CDH13: variants seen among roughly 807,000 people sequenced by gnomAD.
CDH13 encodes the protein cadherin 13.
CDH13 carries 24 observed loss-of-function variants against 63.8 expected under a neutral mutation model. That is an observed-to-expected ratio of 0.38 (90% CI 0.27 to 0.53). The LOEUF is 0.53. Ranked by LOEUF, CDH13 falls within the 20% of genes least tolerant of loss-of-function variation. The pLI is 0.85. For missense variants in CDH13, 1,049 were observed against 903.1 expected, an observed-to-expected ratio of 1.16 and a Z score of -2.07; for synonymous variants, 503 against 355.3, an observed-to-expected ratio of 1.42 and a Z score of -4.67.
chr16:82,632,953 G>T (rs535673680), intron 1 of CDH13, among the ~76,000 whole-genome samples: 2 of 152,248 alleles, frequency 1.3e-5, no homozygotes, highest in African/African-American at 4.8e-5. Context: ...CACGCACACA[G>T]TTCACACAGG....
chr16:83,079,918 G>C (rs73598144), intron 3 of CDH13, among the ~76,000 whole-genome samples: 5,151 of 152,290 alleles, frequency 0.034, 286 homozygotes, highest in African/African-American at 0.12. Context: ...GCCTAATGCT[G>C]ATAGACAATG....
chr16:83,044,946 C>T (rs765637270), intron 3 of CDH13, among the ~76,000 whole-genome samples: 1 of 152,128 alleles, frequency 6.6e-6, no homozygotes, highest in Non-Finnish European at 1.5e-5. Flanking sequence ...TTTCTAGGCT[C>T]TCTGATATGC....
At chr16:83,353,570 C>T (rs1028062279) in intron 6 of CDH13, among the ~76,000 whole-genome samples, 3 of 152,264 alleles carry the variant, frequency 2.0e-5, no homozygotes, top group Admixed American at 2.0e-4. Context: ...ATGTGAATAA[C>T]TGTGAAAACA....
In CDH13 at chr16:83,439,371, A is replaced by G. The variant is rs1453422771; in HGVS notation, c.782-47106A>G. Among the ~76,000 whole-genome samples, 3 of 152,198 alleles carry G rather than the reference A, an allele frequency of 2.0e-5. No individual in the cohort carries two copies. In the East Asian group the frequency reaches 5.8e-4, roughly 29 times the overall value. ...TGGGTTGATTGCTCATTGCAATGGG[A>G]GAGAATATACTATAGGGAACTATGG... On this transcript the variant is annotated intron_variant, in intron 6 of 13. Transcript: ENST00000567109.
At chr16:82,659,089 A>T (rs1423447586) in intron 1 of CDH13, among the ~76,000 whole-genome samples, 1 of 152,118 alleles carries the variant, frequency 6.6e-6, no homozygotes, top group Non-Finnish European at 1.5e-5. Context: ...GCTTCCCATT[A>T]TACAGAAAGT....
chr16:83,763,138 C>T (rs775850648), intron 11 of CDH13, among the ~76,000 whole-genome samples: 3 of 152,168 alleles, frequency 2.0e-5, no homozygotes, highest in Non-Finnish European at 4.4e-5. Context: ...CTAAATTCAG[C>T]AGCATGTTTT....
rs76836533 is a variant in CDH13, at chr16:83,499,125, G to C, written c.960+12470G>C. Reference sequence around the variant, plus strand: ...CTTTGTTTAAAGCACCAAATGAAATGGCCAACCAGTGGGGGTTTGTTCAGT... The same window carrying C: ...CTTTGTTTAAAGCACCAAATGAAATCGCCAACCAGTGGGGGTTTGTTCAGT... On this transcript the variant is annotated intron_variant, in intron 7 of 13. Coordinates refer to ENST00000567109, the MANE Select transcript of CDH13 (RefSeq NM_001257.5). 5.9e-3 allele frequency among the ~76,000 whole-genome samples: 892 copies of C among 152,282 alleles called. 15 individuals carry two copies. The highest frequency in any genetic ancestry group is 0.021 in the African/African-American group (861 of 41,548).
chr16:82,748,271 A>C (rs1246606068), intron 1 of CDH13, among the ~76,000 whole-genome samples: 1 of 152,208 alleles, frequency 6.6e-6, no homozygotes, highest in Non-Finnish European at 1.5e-5. Context: ...ATTGCAACTC[A>C]ATTCATGTTC....
At chr16:83,584,344 A>G (rs557991411) in intron 7 of CDH13, among the ~76,000 whole-genome samples, 20 of 152,222 alleles carry the variant, frequency 1.3e-4, no homozygotes, top group African/African-American at 4.8e-4. Flanking sequence ...TTTTTAAAAA[A>G]TGCATGGTTT....
chr16:83,121,404 A>C (rs1453041517), intron 3 of CDH13, among the ~76,000 whole-genome samples: 1 of 152,222 alleles, frequency 6.6e-6, no homozygotes, highest in African/African-American at 2.4e-5. Flanking sequence ...TTCATTGATT[A>C]AGGAGGGATA....
chr16:83,159,526 C>T (rs951274584), intron 4 of CDH13, among the ~76,000 whole-genome samples: 4 of 152,128 alleles, frequency 2.6e-5, no homozygotes, highest in Non-Finnish European at 4.4e-5. Context: ...TTAAACTGGT[C>T]AAGAAGTGAA....
intron 2 of CDH13, among the ~76,000 whole-genome samples, chr16:82,887,197 G>T (rs2040918832): frequency 6.6e-6 from 1 of 152,114 alleles, no homozygotes; most frequent in Non-Finnish European, 1.5e-5. Flanking sequence ...AACTTTTACT[G>T]TAAAGGGCCA....
intron 2 of CDH13, among the ~76,000 whole-genome samples, chr16:82,877,550 A>G (rs911825959): frequency 4.1e-4 from 63 of 152,296 alleles, no homozygotes; most frequent in African/African-American, 1.4e-3. Flanking sequence ...GTGGAACACT[A>G]TTCTGCAGAG....
At chr16:82,730,987 A>G (rs2033371191) in intron 1 of CDH13, among the ~76,000 whole-genome samples, 1 of 152,198 alleles carries the variant, frequency 6.6e-6, no homozygotes, top group African/African-American at 2.4e-5. Context: ...ACTATTTTCT[A>G]TGCTTATTTA....
intron 2 of CDH13, among the ~76,000 whole-genome samples, chr16:82,866,193 C>T (rs1282083007): frequency 6.6e-6 from 1 of 152,092 alleles, no homozygotes; most frequent in Non-Finnish European, 1.5e-5. Flanking sequence ...TTTTACAAGT[C>T]TCTGGGAAGT....
intron 8 of CDH13, among the ~76,000 whole-genome samples, chr16:83,669,397 G>T (rs1914302544): frequency 1.3e-5 from 2 of 152,180 alleles, no homozygotes; most frequent in Non-Finnish European, 2.9e-5. Context: ...TCTTGCTCAA[G>T]AATTCTATGA....
chr16:83,419,002 C>T (rs183172172), intron 6 of CDH13, among the ~76,000 whole-genome samples: 1 of 152,270 alleles, frequency 6.6e-6, no homozygotes, highest in African/African-American at 2.4e-5. Context: ...CAACTTTGCA[C>T]TGCCTTCATG....
chr16:83,216,984 C>A (rs2039555996), intron 4 of CDH13, among the ~76,000 whole-genome samples: 2 of 151,976 alleles, frequency 1.3e-5, no homozygotes, highest in Non-Finnish European at 2.9e-5. Context: ...CTTCCATTAC[C>A]TTTTTTGTTT....
Position 83,783,306 on chromosome 16 carries a change from C to G in CDH13, c.1968C>G (p.Asn656Lys). The change falls in exon 13 of 14, where the codon AAC (asparagine) becomes AAG (lysine). Residue 656 changes from asparagine to lysine, a missense_variant. Asn to Lys is a moderately conservative substitution (Grantham distance 94). Coordinates refer to ENST00000567109, the MANE Select transcript of CDH13 (RefSeq NM_001257.5). ...LLQNLNKANY[N>K]LPIMVTDSGK... The stretch of plus-strand genomic sequence containing the variant: ...AAAATCTGAACAAAGCAAACTACAA[C>G]CTGCCCATCATGGTGACAGATTCAG... 2 of 1,613,948 alleles carry G rather than the reference C, an allele frequency of 1.2e-6. No homozygotes were observed. The highest frequency in any genetic ancestry group is 1.1e-5 in the South Asian group (1 of 91,082).
Sources: gnomAD v4.1 joint callset for allele counts (sites outside exome capture counted in the v4.1 genomes callset) on GRCh38, gnomAD v4.1.1 for gene constraint, MANE v1.5 for transcripts, NCBI Gene and HGNC (gene_info 2026-07-23, HGNC 2026-07-21) for gene names.